SLIT3: variants seen among roughly 807,000 people sequenced by gnomAD.
The protein encoded by SLIT3 is slit guidance ligand 3, also known as slit homolog 3 protein.
Under a neutral mutation model 184.0 loss-of-function variants are expected in SLIT3, and 68 were observed. The observed-to-expected ratio is 0.37, with a 90% CI of 0.30 to 0.45. The LOEUF (loss-of-function observed/expected upper bound fraction) is 0.45. Ranked by LOEUF, SLIT3 falls within the 20% of genes least tolerant of loss-of-function variation. The probability of loss-of-function intolerance (pLI) is 1.00; values close to 1 mark genes in which losing one functional copy is unlikely to be tolerated. For missense variants in SLIT3, 1,707 were observed against 2,026.0 expected (o/e 0.84, Z 3.02); for synonymous variants, 831 against 828.6 (o/e 1.00, Z -0.05).
At chr5:168,843,065 T>C (rs1758324294) in intron 6 of SLIT3, among the ~76,000 whole-genome samples, 1 of 152,150 alleles carries the variant, frequency 6.6e-6, no homozygotes, top group African/African-American at 2.4e-5. Context: ...GGTCAGAGTT[T>C]GAGTGAGGAG....
chr5:168,916,152 C>T (rs1236250743), intron 4 of SLIT3, among the ~76,000 whole-genome samples: 4 of 152,154 alleles, frequency 2.6e-5, no homozygotes, highest in South Asian at 4.1e-4. Flanking sequence ...AAAATATTTA[C>T]AATTGTTAAA....
chr5:168,676,911 T>C (rs1561869320), intron 32 of SLIT3, among the ~76,000 whole-genome samples: 1 of 152,154 alleles, frequency 6.6e-6, no homozygotes, highest in Non-Finnish European at 1.5e-5. Context: ...AACTCCTTCT[T>C]CCCTTCCTGC....
At chr5:168,689,091 T>G (rs1394836602) in intron 29 of SLIT3, among the ~76,000 whole-genome samples, 1 of 152,152 alleles carries the variant, frequency 6.6e-6, no homozygotes, top group Non-Finnish European at 1.5e-5. Flanking sequence ...TCTCAAACTT[T>G]AATGAGCATA....
In SLIT3 at chr5:169,097,613, T is replaced by C. The variant is rs151138540; in HGVS notation, c.413+95866A>G. Among the ~76,000 whole-genome samples the C allele has an allele frequency of 4.4e-3, 626 of 143,036 alleles. 2 individuals are homozygous for C. The highest frequency in any genetic ancestry group is 0.016 in the African/African-American group (605 of 38,368). The allele number at this position is 143,036 out of a possible 152,430, so 93.8% of individuals were successfully genotyped here. A position where few individuals can be genotyped will look rare whatever the true frequency, so the allele number is the denominator to read the frequency against. On this transcript the variant is annotated intron_variant, in intron 4 of 35. Coordinates refer to ENST00000519560, the MANE Select transcript of SLIT3 (RefSeq NM_003062.4). ...AGGCAGACTACCAGGGAGATGTTTA[T>C]TCTACGAAGAGTAGTTACACGATGA...
At chr5:169,290,400 AGGGCACACACTAGGGCATACACTG>A (rs1767312473) in intron 1 of SLIT3, among the ~76,000 whole-genome samples, 1 of 149,398 alleles carries the variant, frequency 6.7e-6, no homozygotes, top group South Asian at 2.1e-4. Context: ...GGCATATACT[AGGGCACACACTAGGGCATACACTG>A]GGGCACACAC....
intron 4 of SLIT3, among the ~76,000 whole-genome samples, chr5:169,006,601 TCTCTCACACA>T (rs1561602683): frequency 1.3e-5 from 2 of 149,082 alleles, no homozygotes; most frequent in African/African-American, 5.0e-5. Flanking sequence ...TCTCTCTCTC[TCTCTCACACA>T]CACACACACA....
chr5:169,192,820 A>G (rs528624990), intron 4 of SLIT3, among the ~76,000 whole-genome samples: 19 of 152,330 alleles, frequency 1.2e-4, no homozygotes, highest in African/African-American at 4.6e-4. Context: ...CCTGACATCT[A>G]CAATACATGA....
chr5:169,005,189 T>C (rs1370969257), intron 4 of SLIT3, among the ~76,000 whole-genome samples: 2 of 152,230 alleles, frequency 1.3e-5, no homozygotes, highest in African/African-American at 4.8e-5. Flanking sequence ...ATAACTTTTA[T>C]ATGAACTGGG....
intron 2 of SLIT3, 102 bp from the exon 3 acceptor site, chr5:169,244,878 G>T: frequency 1.1e-6 from 1 of 942,680 alleles, no homozygotes; most frequent in Non-Finnish European, 1.7e-6. Flanking sequence ...CCCTTCCCAT[G>T]ATCGTCAGTG....
intron 4 of SLIT3, among the ~76,000 whole-genome samples, chr5:169,084,728 TGAGCA>T (rs960665591): frequency 2.0e-4 from 31 of 152,358 alleles, no homozygotes; most frequent in South Asian, 2.1e-4. Context: ...AACTTGGTCC[TGAGCA>T]GAGCAGAGTT....
At chr5:169,221,398 C>T (rs1392686076) in intron 3 of SLIT3, among the ~76,000 whole-genome samples, 2 of 152,108 alleles carry the variant, frequency 1.3e-5, no homozygotes, top group African/African-American at 4.8e-5. Flanking sequence ...TGGGCAGAAT[C>T]GTGGACATGA....
At chr5:169,106,001 T>C (rs536449482) in intron 4 of SLIT3, among the ~76,000 whole-genome samples, 1 of 147,406 alleles carries the variant, frequency 6.8e-6, no homozygotes, top group East Asian at 2.1e-4. Flanking sequence ...TCAAATGGTA[T>C]TTCTGCACAT....
chr5:169,200,372 C>T (rs1051366333), intron 3 of SLIT3, among the ~76,000 whole-genome samples: 11 of 152,222 alleles, frequency 7.2e-5, no homozygotes, highest in Admixed American at 7.2e-4. Context: ...GCTTCTTAGG[C>T]AGCCTGAATT....
At chr5:168,675,297 C>A (rs1218118988) in intron 32 of SLIT3, among the ~76,000 whole-genome samples, 1 of 152,128 alleles carries the variant, frequency 6.6e-6, no homozygotes, top group African/African-American at 2.4e-5. Context: ...GGGGGTGGCA[C>A]TGATTAGGCA....
intron 24 of SLIT3, 109 bp downstream of exon 24, chr5:168,712,174 T>C (rs1762579749): frequency 6.8e-6 from 6 of 886,434 alleles, no homozygotes; most frequent in Non-Finnish European, 1.1e-5. Context: ...ATATACTGTA[T>C]GCATAAGGAA....
At position 168,671,200 on chromosome 5, in the gene SLIT3, G is replaced by C. The variant is rs763813873; in HGVS notation, c.4125C>G (p.His1375Gln). ...GCCAGGGCTCCTGGGACACTGACCTGTGGCCGAGGCAGGGGTCCCGGGCCT... is the reference window on the plus strand; with the variant it reads ...GCCAGGGCTCCTGGGACACTGACCTCTGGCCGAGGCAGGGGTCCCGGGCCT... ...DQEARDPCLG[H>Q]RCHHGKCVAT... Residue 1375 changes from histidine to glutamine, a missense_variant and splice_region_variant, in exon 34 of 36, where the codon CAC (histidine) becomes CAG (glutamine). By Grantham distance (24) the His-to-Gln change is conservative (BLOSUM62 0). This residue lies in a region of SLIT3 where 387 missense variants were observed against 477.9 expected (regional missense o/e 0.81). Coordinates refer to ENST00000519560, the MANE Select transcript of SLIT3 (RefSeq NM_003062.4). 2 of 1,606,164 alleles carry C rather than the reference G, an allele frequency of 1.2e-6. No individual in the cohort carries two copies. Among genetic ancestry groups the C allele is most frequent in the Non-Finnish European group, 8.5e-7 (1 of 1,174,950 alleles).
At chr5:169,122,996 G>A (rs2113292928) in intron 4 of SLIT3, among the ~76,000 whole-genome samples, 1 of 152,120 alleles carries the variant, frequency 6.6e-6, no homozygotes, top group South Asian at 2.1e-4. Flanking sequence ...AATACAATAT[G>A]GTGATTATGA....
chr5:168,800,907 G>T (rs1756745579), intron 9 of SLIT3, among the ~76,000 whole-genome samples: 1 of 152,184 alleles, frequency 6.6e-6, no homozygotes, highest in Non-Finnish European at 1.5e-5. Context: ...ACATATACAT[G>T]TGCAGATGTT....
intron 4 of SLIT3, among the ~76,000 whole-genome samples, chr5:168,980,263 G>C (rs976215063): frequency 2.0e-5 from 3 of 152,040 alleles, no homozygotes; most frequent in African/African-American, 7.2e-5. Flanking sequence ...GTGGTGCCCG[G>C]GTTCTGAGAT....
Sources: gnomAD v4.1 joint callset for allele counts (sites outside exome capture counted in the v4.1 genomes callset) on GRCh38, gnomAD v4.1.1 for gene constraint, gnomAD v4.1.1 regional missense constraint, MANE v1.5 for transcripts, NCBI Gene and HGNC (gene_info 2026-07-23, HGNC 2026-07-21) for gene names.